Variants in CNTN4 observed in about 807,000 individuals in gnomAD.
CNTN4 encodes the protein contactin-4.
A neutral mutation model predicts 122.5 loss-of-function variants in CNTN4; 77 were observed. The observed-to-expected ratio is 0.63, with a 90% confidence interval of 0.52 to 0.76. The LOEUF (loss-of-function observed/expected upper bound fraction) is 0.76, where lower values mean the gene tolerates loss of function less well. CNTN4 is among the 30% of genes least tolerant of loss of function. The pLI, the probability that CNTN4 is intolerant of heterozygous loss-of-function variation, is 0.00. For synonymous variants in CNTN4, 512 were observed against 447.0 expected (o/e 1.15, Z -1.83); for missense variants, 1,256 against 1,259.1 (o/e 1.00, Z 0.04).
rs141757849 is a variant in CNTN4, at chr3:2,873,465, C to T, written c.652+6516C>T. 3.3e-3 allele frequency among the ~76,000 whole-genome samples: 507 copies of T among 152,324 alleles called. 3 individuals carry two copies. The highest frequency in any genetic ancestry group is 0.011 in the African/African-American group (473 of 41,578). On this transcript the variant is annotated intron_variant, in intron 8 of 24. Transcript: ENST00000418658. ...GCCTTCACCTCTGTGACCATTATAC[C>T]TCCTAGTGGCTCAGAAGACTACATT...
At chr3:2,235,249 C>G (rs935811214) in intron 2 of CNTN4, among the ~76,000 whole-genome samples, 1 of 152,040 alleles carries the variant, frequency 6.6e-6, no homozygotes, top group South Asian at 2.1e-4. Context: ...GTACATTTAT[C>G]AAGGTTATGC....
chr3:3,017,408 A>G (rs955848706), intron 14 of CNTN4, among the ~76,000 whole-genome samples: 3 of 152,366 alleles, frequency 2.0e-5, no homozygotes, highest in East Asian at 3.9e-4. Flanking sequence ...AACAAACTAC[A>G]TATATAGATG....
chr3:2,681,170 A>C (rs2085144376), intron 4 of CNTN4, among the ~76,000 whole-genome samples: 1 of 152,204 alleles, frequency 6.6e-6, no homozygotes, highest in South Asian at 2.1e-4. Context: ...CCTGGCTGAG[A>C]AGACAATACA....
chr3:2,641,352 C>T (rs570203642), intron 4 of CNTN4, among the ~76,000 whole-genome samples: 30 of 152,194 alleles, frequency 2.0e-4, no homozygotes, highest in African/African-American at 6.5e-4. Flanking sequence ...ACATATTATT[C>T]ACATTTTTTG....
At chr3:2,458,690 A>T (rs2049090731) in intron 3 of CNTN4, among the ~76,000 whole-genome samples, 1 of 152,148 alleles carries the variant, frequency 6.6e-6, no homozygotes, top group Non-Finnish European at 1.5e-5. Context: ...GGATAAAGAC[A>T]AGCCAAATGG....
intron 23 of CNTN4, among the ~76,000 whole-genome samples, chr3:3,048,370 A>G (rs918322673): frequency 4.6e-5 from 7 of 152,208 alleles, no homozygotes; most frequent in Admixed American, 2.6e-4. Flanking sequence ...ACGGAAAGAT[A>G]TGCTTAGGTT....
intron 3 of CNTN4, among the ~76,000 whole-genome samples, chr3:2,556,666 A>ATATG (rs1410025028): frequency 2.0e-5 from 3 of 152,142 alleles, no homozygotes; most frequent in Non-Finnish European, 4.4e-5. Context: ...ACAAACATAT[A>ATATG]AAAATCACAT....
chr3:2,191,209 C>G (rs918483940), intron 2 of CNTN4, among the ~76,000 whole-genome samples: 7 of 151,720 alleles, frequency 4.6e-5, no homozygotes, highest in African/African-American at 1.7e-4. Context: ...GCTGTGACTA[C>G]AGGCACGTGG....
chr3:2,343,674 G>A (rs2044291714), intron 3 of CNTN4, among the ~76,000 whole-genome samples: 1 of 152,242 alleles, frequency 6.6e-6, no homozygotes, highest in Non-Finnish European at 1.5e-5. Context: ...TTCTTTTGTT[G>A]CTTTGTGTGT....
At chr3:2,593,731 G>T (rs2080616590) in intron 4 of CNTN4, among the ~76,000 whole-genome samples, 1 of 152,064 alleles carries the variant, frequency 6.6e-6, no homozygotes, top group Non-Finnish European at 1.5e-5. Flanking sequence ...GCTGCTTTTG[G>T]ATTCAATGAT....
chr3:2,332,216 A>G (rs975961786), intron 2 of CNTN4, among the ~76,000 whole-genome samples: 1 of 152,194 alleles, frequency 6.6e-6, no homozygotes, highest in African/African-American at 2.4e-5. Context: ...ATGTTACAGT[A>G]TGATGGTTTT....
chr3:2,767,857 CA>C (rs1256281760), intron 6 of CNTN4, among the ~76,000 whole-genome samples: 13 of 152,238 alleles, frequency 8.5e-5, no homozygotes, highest in Admixed American at 5.9e-4. Flanking sequence ...AAGCTTCTTA[CA>C]TAGCTCACCT....
intron 2 of CNTN4, among the ~76,000 whole-genome samples, chr3:2,177,343 A>G (rs1175908496): frequency 6.6e-6 from 1 of 152,126 alleles, no homozygotes; most frequent in East Asian, 1.9e-4. Flanking sequence ...ATAACATTCT[A>G]CCTGGTTTCT....
At chr3:3,027,477 A>G (rs1482989327) in intron 15 of CNTN4, among the ~76,000 whole-genome samples, 1 of 152,156 alleles carries the variant, frequency 6.6e-6, no homozygotes, top group Non-Finnish European at 1.5e-5. Context: ...AATATTAACT[A>G]CTTCACAAAG....
intron 8 of CNTN4, among the ~76,000 whole-genome samples, chr3:2,881,345 G>A (rs906872944): frequency 3.3e-5 from 5 of 151,894 alleles, no homozygotes; most frequent in Non-Finnish European, 5.9e-5. Context: ...AAACCTCATC[G>A]CTACTAAAAA....
chr3:2,719,708 G>A (rs527772605), intron 4 of CNTN4, among the ~76,000 whole-genome samples: 1 of 152,206 alleles, frequency 6.6e-6, no homozygotes, highest in East Asian at 1.9e-4. Flanking sequence ...ACAGGCGTGA[G>A]CCACCACGCT....
rs2035465465 is a variant in CNTN4, at chr3:2,150,871, A to C, written c.-145+50232A>C. Among the ~76,000 whole-genome samples the C allele has an allele frequency of 3.9e-5, 6 of 152,248 alleles. No homozygotes were observed. The South Asian group carries it at 1.0e-3, about 26-fold the overall frequency. ...CTTCAATGCAATTACCATTTTTCTT[A>C]CACATTAAGAGGACAAAATTTGTTG... On this transcript the variant is annotated intron_variant, in intron 2 of 24. Coordinates refer to ENST00000418658, the MANE Select transcript of CNTN4 (RefSeq NM_175607.3).
intron 6 of CNTN4, among the ~76,000 whole-genome samples, chr3:2,802,866 G>GAA (rs56221027): frequency 1.3e-5 from 2 of 151,020 alleles, no homozygotes; most frequent in African/African-American, 4.9e-5. Flanking sequence ...AATACTTTTA[G>GAA]AAAAAAAAAT....
intron 8 of CNTN4, among the ~76,000 whole-genome samples, chr3:2,879,642 G>A (rs901010374): frequency 2.6e-5 from 4 of 151,506 alleles, no homozygotes; most frequent in African/African-American, 7.3e-5. Flanking sequence ...CAGAAAAAAA[G>A]CAAATGTACA....
Sources: gnomAD v4.1 joint callset for allele counts (sites outside exome capture counted in the v4.1 genomes callset) on GRCh38, gnomAD v4.1.1 for gene constraint, MANE v1.5 for transcripts, NCBI Gene and HGNC (gene_info 2026-07-23, HGNC 2026-07-21) for gene names.